THRB: variants seen among roughly 807,000 people sequenced by gnomAD.
THRB encodes thyroid hormone receptor beta, also known as nuclear receptor subfamily 1 group A member 2.
In THRB, 12 loss-of-function variants were observed where a neutral mutation model predicts 47.8. The observed-to-expected ratio is 0.25, with a 90% CI of 0.16 to 0.41. THRB has a LOEUF of 0.41. Ranked by LOEUF, THRB falls within the 10% of genes least tolerant of loss-of-function variation. The pLI is 1.00. For missense variants in THRB, 348 were observed against 589.2 expected (o/e 0.59, Z 4.24); for synonymous variants, 218 against 212.2 (o/e 1.03, Z -0.24).
rs573663982 is a variant in THRB at position 24,410,505 on chromosome 3, C to T, written c.-260-73134G>A. On this transcript the variant is annotated intron_variant, in intron 1 of 10. Transcript: ENST00000646209. ...ATTAGGAAAATTTGTCCCAGGGATC[C>T]CTGTAAATACCCCTTTGACAATAAA... Among the ~76,000 whole-genome samples the T allele has an allele frequency of 2.6e-5, 4 of 151,812 alleles. No individual in the cohort carries two copies. The South Asian group carries it at 8.3e-4, about 32-fold the overall frequency.
At chr3:24,191,984 C>T (rs558483494) in intron 4 of THRB, among the ~76,000 whole-genome samples, 1 of 152,280 alleles carries the variant, frequency 6.6e-6, no homozygotes, top group Non-Finnish European at 1.5e-5. Flanking sequence ...TGAAAATTCA[C>T]TGTATGCAAA....
intron 4 of THRB, among the ~76,000 whole-genome samples, chr3:24,202,616 A>G (rs1326310665): frequency 6.6e-6 from 1 of 152,230 alleles, no homozygotes; most frequent in African/African-American, 2.4e-5. Context: ...AAAAGCTGCC[A>G]AATCATTTAG....
chr3:24,353,411 C>A (rs890564406), intron 1 of THRB, among the ~76,000 whole-genome samples: 2 of 152,026 alleles, frequency 1.3e-5, no homozygotes, highest in Non-Finnish European at 2.9e-5. Flanking sequence ...AGACATTTGA[C>A]AAGGAAATGA....
intron 1 of THRB, among the ~76,000 whole-genome samples, chr3:24,355,690 T>C (rs2063629640): frequency 6.6e-6 from 1 of 152,134 alleles, no homozygotes; most frequent in Admixed American, 6.6e-5. Flanking sequence ...GAGATGCCAG[T>C]GAGGTCACGC....
At chr3:24,397,314 A>C (rs1421667694) in intron 1 of THRB, among the ~76,000 whole-genome samples, 1 of 152,152 alleles carries the variant, frequency 6.6e-6, no homozygotes, top group South Asian at 2.1e-4. Flanking sequence ...GGGCCCATCA[A>C]AACAAATTAT....
chr3:24,384,549 A>G (rs1380245968), intron 1 of THRB, among the ~76,000 whole-genome samples: 4 of 152,140 alleles, frequency 2.6e-5, no homozygotes, highest in Non-Finnish European at 4.4e-5. Context: ...GACCACCTTT[A>G]GAGGACAGAC....
At chr3:24,234,873 A>C (rs1333706187) in intron 3 of THRB, among the ~76,000 whole-genome samples, 1 of 152,164 alleles carries the variant, frequency 6.6e-6, no homozygotes. Flanking sequence ...GCAGGAAGTG[A>C]CCATGAATGA....
intron 1 of THRB, among the ~76,000 whole-genome samples, chr3:24,489,635 C>T (rs1196905397): frequency 6.6e-6 from 1 of 152,152 alleles, no homozygotes; most frequent in East Asian, 1.9e-4. Context: ...AGTTTCTCAA[C>T]TCAATAAAAA....
chr3:24,478,841 G>A (rs781193684), intron 1 of THRB, among the ~76,000 whole-genome samples: 151 of 152,272 alleles, frequency 9.9e-4, no homozygotes, highest in Middle Eastern at 6.8e-3. Flanking sequence ...AGATTAAGAG[G>A]TAGAACTAAA....
rs532858640 is a variant in THRB at position 24,123,033 on chromosome 3, G to C, written c.1237C>G (p.His413Asp). Residue 413 changes from histidine to aspartate, a missense_variant, in exon 11 of 11, where the codon CAC becomes GAC. By Grantham distance (81) the His-to-Asp change is moderately conservative. Around this residue, in one of 5 missense-constraint regions of THRB, gnomAD observed 36 missense variants for 51.7 expected, o/e 0.70. Coordinates refer to ENST00000646209, the MANE Select transcript of THRB (RefSeq NM_001354712.2). ...FEHYINYRKHHVTHFWPKLLM... is the reference protein window; with the variant it reads ...FEHYINYRKHDVTHFWPKLLM... ...AGTTTTGGCCAAAAGTGTGTCACGTGGTGTTTTCGGTAATTGATATAGTGT... is the reference window on the plus strand; with the variant it reads ...AGTTTTGGCCAAAAGTGTGTCACGTCGTGTTTTCGGTAATTGATATAGTGT... 5 of 1,614,084 alleles carry C rather than the reference G, an allele frequency of 3.1e-6. No homozygotes were observed. In the South Asian group the frequency reaches 4.4e-5, roughly 14 times the overall value.
chr3:24,326,211 C>T (rs942561736), intron 2 of THRB, among the ~76,000 whole-genome samples: 2 of 152,178 alleles, frequency 1.3e-5, no homozygotes, highest in Admixed American at 6.5e-5. Context: ...TCCCCACCTC[C>T]ACCACCACGG....
chr3:24,228,805 G>T, intron 4 of THRB, 133 bp downstream of exon 4: 1 of 821,242 alleles, frequency 1.2e-6, no homozygotes, highest in East Asian at 2.4e-5. Flanking sequence ...GTATTCACAG[G>T]ATTTAATAAC....
chr3:24,288,879 C>G (rs1436721107), intron 3 of THRB, among the ~76,000 whole-genome samples: 1 of 152,174 alleles, frequency 6.6e-6, no homozygotes, highest in Non-Finnish European at 1.5e-5. Flanking sequence ...AAACACACAC[C>G]ATTTGTATGC....
At chr3:24,354,680 C>T (rs2063559784) in intron 1 of THRB, among the ~76,000 whole-genome samples, 1 of 152,080 alleles carries the variant, frequency 6.6e-6, no homozygotes, top group Admixed American at 6.6e-5. Context: ...GATTTCCACT[C>T]TCAAATAAAG....
intron 3 of THRB, among the ~76,000 whole-genome samples, chr3:24,296,962 A>G (rs928413100): frequency 1.3e-5 from 2 of 152,176 alleles, no homozygotes; most frequent in African/African-American, 4.8e-5. Flanking sequence ...TCAAGGAGCA[A>G]CTTTCACTTC....
At chr3:24,132,620 C>A (rs116730415) in intron 9 of THRB, among the ~76,000 whole-genome samples, 1 of 152,184 alleles carries the variant, frequency 6.6e-6, no homozygotes, top group Non-Finnish European at 1.5e-5. Flanking sequence ...GTGGCATCAG[C>A]CACCACAGGG....
At position 24,307,985 on chromosome 3, in the gene THRB, T is replaced by C. The variant is rs1352123301; in HGVS notation, c.-188-10614A>G. 2.6e-5 allele frequency among the ~76,000 whole-genome samples: 4 copies of C among 152,248 alleles called. No homozygotes were observed. The East Asian group carries it at 5.8e-4, about 22-fold the overall frequency. On this transcript the variant is annotated intron_variant, in intron 2 of 10. Transcript: ENST00000646209. The stretch of plus-strand genomic sequence containing the variant: ...TTTGTTGCCATCGCTGCAGCCTCTG[T>C]GAATTTTGCCCATCCGGCAAAGAAA...
chr3:24,234,872 G>C (rs2048704690), intron 3 of THRB, among the ~76,000 whole-genome samples: 1 of 152,190 alleles, frequency 6.6e-6, no homozygotes, highest in Non-Finnish European at 1.5e-5. Context: ...GGCAGGAAGT[G>C]ACCATGAATG....
intron 6 of THRB, among the ~76,000 whole-genome samples, chr3:24,149,425 T>A (rs1184434558): frequency 6.6e-6 from 1 of 152,172 alleles, no homozygotes; most frequent in Non-Finnish European, 1.5e-5. Context: ...AAGGAGTACA[T>A]TGACCAGTAA....
Sources: gnomAD v4.1 joint callset for allele counts (sites outside exome capture counted in the v4.1 genomes callset) on GRCh38, gnomAD v4.1.1 for gene constraint, gnomAD v4.1.1 regional missense constraint, MANE v1.5 for transcripts, NCBI Gene and HGNC (gene_info 2026-07-23, HGNC 2026-07-21) for gene names.